Variants in TMEM86A observed in about 807,000 individuals in gnomAD.
TMEM86A encodes the protein lysoplasmalogenase TMEM86A.
Under a neutral mutation model 19.8 loss-of-function variants are expected in TMEM86A, and 13 were observed. The ratio of observed to expected loss-of-function variants is 0.66; its 90% CI spans 0.43 to 1.04. The LOEUF (loss-of-function observed/expected upper bound fraction) is 1.04. Among genes scored for constraint, TMEM86A ranks in the 50% least tolerant of loss-of-function variants. The pLI, the probability that TMEM86A is intolerant of heterozygous loss-of-function variation, is 0.00. For synonymous variants in TMEM86A, 128 were observed against 129.9 expected (o/e 0.99, Z 0.10); for missense variants, 248 against 306.8 (o/e 0.81, Z 1.43).
At position 18,704,486 on chromosome 11, in the gene TMEM86A, TTTC is replaced by T; in HGVS notation, c.*2482_*2484del. 6.4e-7 allele frequency: 1 copy of T among 1,550,914 alleles called. No individual in the cohort carries two copies. The highest frequency in any genetic ancestry group is 8.7e-7 in the Non-Finnish European group (1 of 1,146,516). On this transcript the variant is annotated 3_prime_UTR_variant, in exon 3 of 3. Coordinates refer to ENST00000280734, the MANE Select transcript of TMEM86A (RefSeq NM_153347.3). ...CTGGAGCTCACATGAGGTGCTTTGATTTCTTCTGCAGACTCTCGGTGATGGATG... is the reference window on the plus strand; with the variant it reads ...CTGGAGCTCACATGAGGTGCTTTGATTTCTGCAGACTCTCGGTGATGGATG...
In TMEM86A at chr11:18,699,128, A is replaced by G. The variant is rs1848128121; in HGVS notation, c.21+221A>G. 6.6e-6 allele frequency among the ~76,000 whole-genome samples: 1 copy of G among 152,138 alleles called. No homozygotes were observed. The highest frequency in any genetic ancestry group is 1.9e-4 in the East Asian group (1 of 5,168). ...CCCCAGCCCGCCCGCGGAGGGAGGA[A>G]AACACTGGCCACGTGACTCGGAAGC... On this transcript the variant is annotated intron_variant, in intron 1 of 2. Coordinates refer to ENST00000280734, the MANE Select transcript of TMEM86A (RefSeq NM_153347.3). This position sits in a 1 kb window ranked among gnomAD's most constrained non-coding sequence, Gnocchi z 4.0.
chr11:18,702,026 CACCCCTCTCTCCTCCTGGGGCTGGG>C lies in TMEM86A; in HGVS notation c.*18_*42del. On this transcript the variant is annotated 3_prime_UTR_variant, in exon 3 of 3. Coordinates refer to ENST00000280734, the MANE Select transcript of TMEM86A (RefSeq NM_153347.3). ...GCCAACTGAGGTGCCAGGGTCTGGT[CACCCCTCTCTCCTCCTGGGGCTGGG>C]GCCCAGATCCTGGGGACCTGCAGGA... 6.3e-7 allele frequency: 1 copy of C among 1,599,670 alleles called. No individual in the cohort carries two copies. Among genetic ancestry groups the C allele is most frequent in the East Asian group, 2.2e-5 (1 of 44,818 alleles).
chr11:18,701,436 A>G lies in TMEM86A; in HGVS notation c.287-137A>G. 9.4e-7 allele frequency: 1 copy of G among 1,068,732 alleles called. No individual in the cohort carries two copies. The highest frequency in any genetic ancestry group is 1.3e-6 in the Non-Finnish European group (1 of 746,594). The allele number at this position is 1,068,732 out of a possible 1,614,324, so 66.2% of individuals were successfully genotyped here. A position where few individuals can be genotyped will look rare whatever the true frequency, so the allele number is the denominator to read the frequency against. On this transcript the variant is annotated intron_variant, in intron 2 of 2. Transcript: ENST00000280734. This position sits in a 1 kb window ranked among gnomAD's most constrained non-coding sequence, Gnocchi z 5.3. ...GTGGTCTTTAACTTTAGATCTTCCT[A>G]CCCCTGTTATCCCAAAGCAAAGCTG...
rs376043899 is a variant in TMEM86A at position 18,701,919 on chromosome 11, C to T, written c.633C>T (p.Ser211=). Residue 211 remains serine, a synonymous_variant, in exon 3 of 3, where the codon TCC becomes TCT. Coordinates refer to ENST00000280734, the MANE Select transcript of TMEM86A (RefSeq NM_153347.3). This position sits in a 1 kb window ranked among gnomAD's most constrained non-coding sequence, Gnocchi z 5.3. ...CCTACTCTCGGGCGCTTATCATGTC[C>T]ACCTACTATGTGGCCCAGATGCTCG... ...PVPYSRALIM[S]TYYVAQMLVA... is the part of the protein sequence containing the mutation. 1 of 1,614,032 alleles carries T rather than the reference C, an allele frequency of 6.2e-7. No homozygotes were observed. The highest frequency in any genetic ancestry group is 8.5e-7 in the Non-Finnish European group (1 of 1,180,048).
In TMEM86A at chr11:18,701,112, C is replaced by T. The variant is rs145862476; in HGVS notation, c.201C>T (p.Ser67=). 1.0e-4 allele frequency: 167 copies of T among 1,613,970 alleles called. No homozygotes were observed. Among genetic ancestry groups the T allele is most frequent in the Non-Finnish European group, 1.3e-4 (154 of 1,180,042 alleles). The change falls in exon 2 of 3, where the codon AGC becomes AGT. Residue 67 remains serine (S), a synonymous_variant. Transcript: ENST00000280734. This position sits in a 1 kb window ranked among gnomAD's most constrained non-coding sequence, Gnocchi z 5.3. ...HGLGFLLAHP[S]ATRIFVGLVF... is the part of the protein sequence containing the mutation. ...TGGGATTCCTGCTGGCCCACCCCAGCGCCACCCGCATCTTTGTGGGGCTTG... is the reference window on the plus strand; with the variant it reads ...TGGGATTCCTGCTGGCCCACCCCAGTGCCACCCGCATCTTTGTGGGGCTTG...
chr11:18,700,814 T>G, intron 1 of TMEM86A, 119 bp from the exon 2 acceptor site: 1 of 1,397,088 alleles, frequency 7.2e-7, no homozygotes, highest in Non-Finnish European at 9.8e-7. Context: ...CTTCTCAGGT[T>G]GGGGGTGGAA....
Position 18,702,716 on chromosome 11 carries a change from G to A in TMEM86A, c.*707G>A, listed in dbSNP as rs1318251535. ...CAAGCCCAAAGCTCAGGTCCCATAC[G>A]CTACCCTTAGATCCTATCCCCAGGG... On this transcript the variant is annotated 3_prime_UTR_variant, in exon 3 of 3. Coordinates refer to ENST00000280734, the MANE Select transcript of TMEM86A (RefSeq NM_153347.3). 1 of 154,762 alleles carries A rather than the reference G, an allele frequency of 6.5e-6. No individual in the cohort carries two copies. The highest frequency in any genetic ancestry group is 1.4e-5 in the Non-Finnish European group (1 of 69,464). 9.6% of individuals were successfully genotyped at this position (154,762 alleles called of 1,614,324 possible). A position where few individuals can be genotyped will look rare whatever the true frequency, so the allele number is the denominator to read the frequency against.
Position 18,702,382 on chromosome 11 carries a change from A to C in TMEM86A, c.*373A>C. 3.7e-6 allele frequency: 1 copy of C among 266,902 alleles called. No individual in the cohort carries two copies. The allele number at this position is 266,902 out of a possible 1,614,324, so 16.5% of individuals were successfully genotyped here. On this transcript the variant is annotated 3_prime_UTR_variant, in exon 3 of 3. Transcript: ENST00000280734. ...ACTCCATGTGTTATGCCTAGGACCA[A>C]TGGCAGTGCTGGGTTCACCCACTCC...
rs1347509203 is a variant in TMEM86A at position 18,704,589 on chromosome 11, G to A, written c.*2580G>A. On this transcript the variant is annotated 3_prime_UTR_variant, in exon 3 of 3. Coordinates refer to ENST00000280734, the MANE Select transcript of TMEM86A (RefSeq NM_153347.3). ...TATATTAATGATGCTGGCGACCAGG[G>A]AAATTCCAAACTGCTGGACTTCCTA... 3.4e-6 allele frequency: 4 copies of A among 1,187,390 alleles called. No homozygotes were observed. The Admixed American group carries it at 7.9e-5, about 24-fold the overall frequency. 73.6% of individuals were successfully genotyped at this position (1,187,390 alleles called of 1,614,324 possible).
rs942419659 is a variant in TMEM86A, at chr11:18,702,172, A to G, written c.*163A>G. The G allele has an allele frequency of 2.8e-4, 192 of 693,194 alleles. No individual in the cohort carries two copies. Among genetic ancestry groups the G allele is most frequent in the Non-Finnish European group, 4.1e-4 (171 of 418,168 alleles). The allele number at this position is 693,194 out of a possible 1,614,324, so 42.9% of individuals were successfully genotyped here. A position where few individuals can be genotyped will look rare whatever the true frequency, so the allele number is the denominator to read the frequency against. ...GGGGAGGCTGGAAAAGGATCTCCCT[A>G]GCAGAACTCGTGGTTCAGGACAATG... is the stretch of plus-strand genomic sequence containing the variant. On this transcript the variant is annotated 3_prime_UTR_variant, in exon 3 of 3. Coordinates refer to ENST00000280734, the MANE Select transcript of TMEM86A (RefSeq NM_153347.3).
chr11:18,701,583 G>C lies in TMEM86A; in HGVS notation c.297G>C (p.Met99Ile). 6.4e-7 allele frequency: 1 copy of C among 1,552,622 alleles called. No individual in the cohort carries two copies. The highest frequency in any genetic ancestry group is 8.7e-7 in the Non-Finnish European group (1 of 1,148,476). The change falls in exon 3 of 3, where the codon ATG becomes ATC. Residue 99 changes from methionine to isoleucine, a missense_variant. By Grantham distance (10) the Met-to-Ile change is conservative (BLOSUM62 1). Transcript: ENST00000280734. The surrounding 1 kb of genome is among the most constrained non-coding windows in gnomAD (Gnocchi z 5.3). Reference sequence around the variant, plus strand: ...CCCTCTTACCCCCAGGTCTGCTGATGTTTGCTGTGACCCACATGTTCTACG... The same window carrying C: ...CCCTCTTACCCCCAGGTCTGCTGATCTTTGCTGTGACCCACATGTTCTACG... ...DQGYFVHGLL[M>I]FAVTHMFYAS...
In TMEM86A at chr11:18,702,190, G is replaced by T. The variant is rs1848157649; in HGVS notation, c.*181G>T. The T allele has an allele frequency of 3.1e-6, 2 of 643,588 alleles. No homozygotes were observed. Among genetic ancestry groups the T allele is most frequent in the Admixed American group, 2.9e-5 (1 of 34,228 alleles). 39.9% of individuals were successfully genotyped at this position (643,588 alleles called of 1,614,324 possible). A position where few individuals can be genotyped will look rare whatever the true frequency, so the allele number is the denominator to read the frequency against. ...TCTCCCTAGCAGAACTCGTGGTTCAGGACAATGCTGAGAGCTAAAAGAGCC... is the reference window on the plus strand; with the variant it reads ...TCTCCCTAGCAGAACTCGTGGTTCATGACAATGCTGAGAGCTAAAAGAGCC... On this transcript the variant is annotated 3_prime_UTR_variant, in exon 3 of 3. Coordinates refer to ENST00000280734, the MANE Select transcript of TMEM86A (RefSeq NM_153347.3).
intron 1 of TMEM86A, 123 bp from the exon 2 acceptor site, chr11:18,700,810 A>G (rs1848142473): frequency 1.5e-6 from 2 of 1,369,542 alleles, no homozygotes; most frequent in African/African-American, 1.4e-5. Context: ...CAGTCTTCTC[A>G]GGTTGGGGGT....
rs1343666363 is a variant in TMEM86A, at chr11:18,699,118, G to C, written c.21+211G>C. On this transcript the variant is annotated intron_variant, in intron 1 of 2. Coordinates refer to ENST00000280734, the MANE Select transcript of TMEM86A (RefSeq NM_153347.3). The surrounding 1 kb of genome is among the most constrained non-coding windows in gnomAD (Gnocchi z 4.0). The stretch of plus-strand genomic sequence containing the variant: ...CCTCGCGCGCCCCCAGCCCGCCCGC[G>C]GAGGGAGGAAAACACTGGCCACGTG... 7.2e-5 allele frequency among the ~76,000 whole-genome samples: 11 copies of C among 152,184 alleles called. 1 individual carries two copies.
Position 18,702,753 on chromosome 11 carries a change from C to T in TMEM86A, c.*744C>T, listed in dbSNP as rs1848163513. ...TCCTATCCCCAGGGCTAGGGTGAAC[C>T]ATGCCAAAGGAAGGGGCCAGCTTCT... is the stretch of plus-strand genomic sequence containing the variant. On this transcript the variant is annotated 3_prime_UTR_variant, in exon 3 of 3. Coordinates refer to ENST00000280734, the MANE Select transcript of TMEM86A (RefSeq NM_153347.3). 1 of 153,218 alleles carries T rather than the reference C, an allele frequency of 6.5e-6. No individual in the cohort carries two copies. The highest frequency in any genetic ancestry group is 6.5e-5 in the Admixed American group (1 of 15,294). 9.5% of individuals were successfully genotyped at this position (153,218 alleles called of 1,614,324 possible). A position where few individuals can be genotyped will look rare whatever the true frequency, so the allele number is the denominator to read the frequency against.
At chr11:18,700,813 T>G (rs1320622504) in intron 1 of TMEM86A, 120 bp from the exon 2 acceptor site, 5 of 1,381,252 alleles carry the variant, frequency 3.6e-6, no homozygotes, top group South Asian at 1.3e-5. Flanking sequence ...TCTTCTCAGG[T>G]TGGGGGTGGA....
Position 18,702,087 on chromosome 11 carries a change from G to A in TMEM86A, c.*78G>A, listed in dbSNP as rs923481626. ...TGGGGACCTGCAGGAGCTGGATCAG[G>A]ATGGCTGCAGTGCCAGCCTGGGGCA... is the stretch of plus-strand genomic sequence containing the variant. On this transcript the variant is annotated 3_prime_UTR_variant, in exon 3 of 3. Transcript: ENST00000280734. 8 of 1,485,348 alleles carry A rather than the reference G, an allele frequency of 5.4e-6. No homozygotes were observed. Among genetic ancestry groups the A allele is most frequent in the Non-Finnish European group, 7.3e-6 (8 of 1,091,538 alleles). The allele number at this position is 1,485,348 out of a possible 1,614,324, so 92.0% of individuals were successfully genotyped here.
In TMEM86A at chr11:18,701,915, T is replaced by C; in HGVS notation, c.629T>C (p.Met210Thr). The C allele has an allele frequency of 1.9e-6, 3 of 1,614,056 alleles. No individual in the cohort carries two copies. The highest frequency in any genetic ancestry group is 2.5e-6 in the Non-Finnish European group (3 of 1,180,044). ...GTGCCCTACTCTCGGGCGCTTATCATGTCCACCTACTATGTGGCCCAGATG... is the reference window on the plus strand; with the variant it reads ...GTGCCCTACTCTCGGGCGCTTATCACGTCCACCTACTATGTGGCCCAGATG... The part of the protein sequence containing the change: ...FPVPYSRALI[M>T]STYYVAQMLV... The change falls in exon 3 of 3, where the codon ATG (methionine) becomes ACG (threonine). Residue 210 changes from methionine to threonine, a missense_variant. Transcript: ENST00000280734. The surrounding 1 kb of genome is among the most constrained non-coding windows in gnomAD (Gnocchi z 5.3).
rs746415231 is a variant in TMEM86A, at chr11:18,704,274, C to A, written c.*2265C>A. 14 of 577,700 alleles carry A rather than the reference C, an allele frequency of 2.4e-5. No individual in the cohort carries two copies. The East Asian group carries it at 4.1e-4, about 17-fold the overall frequency. 35.8% of individuals were successfully genotyped at this position (577,700 alleles called of 1,614,324 possible). A position where few individuals can be genotyped will look rare whatever the true frequency, so the allele number is the denominator to read the frequency against. On this transcript the variant is annotated 3_prime_UTR_variant, in exon 3 of 3. Coordinates refer to ENST00000280734, the MANE Select transcript of TMEM86A (RefSeq NM_153347.3). The stretch of plus-strand genomic sequence containing the variant: ...TCCCTATCATGCAATCACATCCATC[C>A]CCTTGGTCCCTGCTGTATATCACCC...
Sources: gnomAD v4.1 joint callset for allele counts (sites outside exome capture counted in the v4.1 genomes callset) on GRCh38, gnomAD v4.1.1 for gene constraint, Gnocchi (gnomAD v3.1) non-coding constraint, MANE v1.5 for transcripts, NCBI Gene and HGNC (gene_info 2026-07-23, HGNC 2026-07-21) for gene names.